Variants in RAB3C observed in about 807,000 individuals in gnomAD.
RAB3C encodes the protein ras-related protein Rab-3C.
In RAB3C, 17 loss-of-function variants were observed where a neutral mutation model predicts 26.4. The observed-to-expected ratio is 0.64, with a 90% confidence interval of 0.44 to 0.97. The LOEUF is 0.97. Ranked by LOEUF, RAB3C falls within the 50% of genes least tolerant of loss-of-function variation. RAB3C has a pLI of 0.00. For missense variants in RAB3C, 242 were observed against 281.9 expected, an observed-to-expected ratio of 0.86 and a Z score of 1.01; for synonymous variants, 91 against 95.9, an observed-to-expected ratio of 0.95 and a Z score of 0.30.
intron 1 of RAB3C, among the ~76,000 whole-genome samples, chr5:58,610,129 C>A (rs778371470): frequency 6.6e-6 from 1 of 150,884 alleles, no homozygotes; most frequent in Non-Finnish European, 1.5e-5. Context: ...GAAATGTTTT[C>A]TTTCTTGGCT....
chr5:58,846,343 C>T (rs1416980349), intron 4 of RAB3C, among the ~76,000 whole-genome samples: 1 of 152,136 alleles, frequency 6.6e-6, no homozygotes, highest in African/African-American at 2.4e-5. Context: ...CCATACACCC[C>T]TCTTGATTCC....
intron 3 of RAB3C, among the ~76,000 whole-genome samples, chr5:58,760,080 G>A (rs1047879532): frequency 2.0e-5 from 3 of 152,066 alleles, no homozygotes; most frequent in East Asian, 1.9e-4. Flanking sequence ...TCCTAGTTCC[G>A]TCCACCCTTA....
At chr5:58,674,800 G>C (rs1180315714) in intron 2 of RAB3C, among the ~76,000 whole-genome samples, 1 of 151,984 alleles carries the variant, frequency 6.6e-6, no homozygotes, top group Non-Finnish European at 1.5e-5. Context: ...TCTTGTGTTG[G>C]TCTTTAGAAA....
chr5:58,773,533 C>G (rs1225951401), intron 3 of RAB3C, among the ~76,000 whole-genome samples: 2 of 151,976 alleles, frequency 1.3e-5, no homozygotes, highest in African/African-American at 4.8e-5. Context: ...TGGCTACTCC[C>G]CTTGAATAAT....
At chr5:58,719,942 G>T (rs1579877867) in intron 2 of RAB3C, among the ~76,000 whole-genome samples, 1 of 151,730 alleles carries the variant, frequency 6.6e-6, no homozygotes, top group African/African-American at 2.4e-5. Flanking sequence ...ATTTAAAAAA[G>T]GAAGACCTCA....
chr5:58,843,919 C>T (rs1479651369), intron 4 of RAB3C, among the ~76,000 whole-genome samples: 1 of 152,158 alleles, frequency 6.6e-6, no homozygotes, highest in Non-Finnish European at 1.5e-5. Flanking sequence ...GAAATCTATT[C>T]TTTAATTAAC....
chr5:58,684,193 G>A (rs1748400596), intron 2 of RAB3C, among the ~76,000 whole-genome samples: 1 of 152,104 alleles, frequency 6.6e-6, no homozygotes, highest in Admixed American at 6.5e-5. Flanking sequence ...ATTGTATTAG[G>A]TATTATAAGT....
At chr5:58,679,480 G>C (rs1270897140) in intron 2 of RAB3C, among the ~76,000 whole-genome samples, 3 of 152,142 alleles carry the variant, frequency 2.0e-5, no homozygotes, top group Non-Finnish European at 4.4e-5. Flanking sequence ...TTCTGTTATA[G>C]TACAAGCCTG....
rs1744233962 is a variant in RAB3C, at chr5:58,855,391, G to A, written c.*4040G>A. 1 of 152,314 alleles carries A rather than the reference G, an allele frequency of 6.6e-6. No homozygotes were observed. The highest frequency in any genetic ancestry group is 1.9e-4 in the East Asian group (1 of 5,186). The allele number at this position is 152,314 out of a possible 1,614,324, so 9.4% of individuals were successfully genotyped here. A position where few individuals can be genotyped will look rare whatever the true frequency, so the allele number is the denominator to read the frequency against. ...TTTGGTGTGGCATACTTCAGAGCTGGCCTGTCCGTCTGAAGAACCCTTTCT... is the reference window on the plus strand; with the variant it reads ...TTTGGTGTGGCATACTTCAGAGCTGACCTGTCCGTCTGAAGAACCCTTTCT... On this transcript the variant is annotated 3_prime_UTR_variant, in exon 5 of 5. Coordinates refer to ENST00000282878, the MANE Select transcript of RAB3C (RefSeq NM_138453.4).
At chr5:58,591,829 A>T (rs1187505964) in intron 1 of RAB3C, among the ~76,000 whole-genome samples, 1 of 135,466 alleles carries the variant, frequency 7.4e-6, no homozygotes, top group African/African-American at 2.7e-5. Context: ...TCGTTTTTAT[A>T]TTCTTTTTTG....
chr5:58,750,829 T>TCCTC (rs1329351230), intron 3 of RAB3C, among the ~76,000 whole-genome samples: 5 of 152,076 alleles, frequency 3.3e-5, no homozygotes, highest in African/African-American at 4.8e-5. Context: ...CTTCCTTCCT[T>TCCTC]CCTCCCTCCC....
intron 2 of RAB3C, among the ~76,000 whole-genome samples, chr5:58,632,452 A>T (rs1357916662): frequency 6.6e-6 from 1 of 152,232 alleles, no homozygotes; most frequent in Non-Finnish European, 1.5e-5. Flanking sequence ...TTCCCAGGTG[A>T]TAACTGCCAT....
chr5:58,757,451 G>A (rs1433234715), intron 3 of RAB3C, among the ~76,000 whole-genome samples: 4 of 151,888 alleles, frequency 2.6e-5, no homozygotes, highest in South Asian at 2.1e-4. Context: ...TGCCACACCC[G>A]CCCCCAACTT....
chr5:58,827,177 A>T (rs1743502096), intron 4 of RAB3C, among the ~76,000 whole-genome samples: 1 of 152,190 alleles, frequency 6.6e-6, no homozygotes, highest in Admixed American at 6.5e-5. Context: ...CCTCAGAAAG[A>T]TAAGAATGGG....
chr5:58,836,266 T>TTAA (rs1164099012), intron 4 of RAB3C, among the ~76,000 whole-genome samples: 812 of 18,668 alleles, frequency 0.043, 33 homozygotes, highest in East Asian at 0.21. Context: ...ATTAAATTAA[T>TTAA]TTTTTTTACA....
At chr5:58,696,433 C>G (rs1748702137) in intron 2 of RAB3C, among the ~76,000 whole-genome samples, 1 of 152,136 alleles carries the variant, frequency 6.6e-6, no homozygotes, top group Admixed American at 6.5e-5. Flanking sequence ...TGATGTTGGT[C>G]TCATAAAATG....
chr5:58,618,557 A>G (rs1299321258), intron 2 of RAB3C, among the ~76,000 whole-genome samples: 1 of 152,206 alleles, frequency 6.6e-6, no homozygotes, highest in Non-Finnish European at 1.5e-5. Context: ...AGAAGATCAG[A>G]GGTAGCTTAG....
rs76746160 is a variant in RAB3C, at chr5:58,702,586, T to C, written c.253-23416T>C. Among the ~76,000 whole-genome samples the C allele has an allele frequency of 6.1e-3, 924 of 151,344 alleles. 10 individuals are homozygous for C. The highest frequency in any genetic ancestry group is 0.021 in the African/African-American group (873 of 41,188). ...TTCTCCTTTCTCTCTCTCTCTTTCT[T>C]TTTCTTTCTCTCTCTCCTGCACACA... On this transcript the variant is annotated intron_variant, in intron 2 of 4. Coordinates refer to ENST00000282878, the MANE Select transcript of RAB3C (RefSeq NM_138453.4).
chr5:58,711,569 T>C (rs1004911505), intron 2 of RAB3C, among the ~76,000 whole-genome samples: 2 of 152,028 alleles, frequency 1.3e-5, no homozygotes, highest in Non-Finnish European at 2.9e-5. Context: ...TATTACTGAA[T>C]AAAAAAGCAG....
Sources: allele counts gnomAD v4.1 joint callset (sites outside exome capture counted in the v4.1 genomes callset), GRCh38; gene constraint gnomAD v4.1.1; transcripts MANE v1.5; gene names NCBI Gene and HGNC (gene_info 2026-07-23, HGNC 2026-07-21).